DMC1: variants seen among roughly 807,000 people sequenced by gnomAD.
The protein encoded by DMC1 is meiotic recombination protein DMC1 homolog.
A neutral mutation model predicts 50.1 loss-of-function variants in DMC1; 27 were observed. The observed-to-expected ratio is 0.54, with a 90% confidence interval of 0.40 to 0.74. DMC1 has a LOEUF of 0.74. DMC1 is among the 30% of genes least tolerant of loss of function. The probability of loss-of-function intolerance (pLI) is 0.00; values close to 1 mark genes in which losing one functional copy is unlikely to be tolerated. For synonymous variants in DMC1, 148 were observed against 136.1 expected (o/e 1.09, Z -0.61); for missense variants, 295 against 420.2 (o/e 0.70, Z 2.60).
chr22:38,556,087 T>G, intron 5 of DMC1, among the ~76,000 whole-genome samples: 1 of 152,134 alleles, frequency 6.6e-6, no homozygotes, highest in East Asian at 1.9e-4. Flanking sequence ...CTGCCTTGGC[T>G]TCCCAAAGTG....
rs1337622850 is a variant in DMC1 at position 38,567,612 on chromosome 22, C to T, written c.67G>A (p.Asp23Asn). ...CCATGTTTCTGTAACAGGTCAATAT[C>T]TTGAAACAAAGATTCCTAAAGGAGA... ...FQDEEESLFQ[D>N]IDLLQKHGIN... The change falls in exon 3 of 14, where the codon GAT (aspartate) becomes AAT (asparagine). Residue 23 changes from aspartate to asparagine, a missense_variant. By Grantham distance (23) the Asp-to-Asn change is conservative (BLOSUM62 1). Coordinates refer to ENST00000216024, the MANE Select transcript of DMC1 (RefSeq NM_007068.4). The T allele has an allele frequency of 1.2e-6, 2 of 1,609,704 alleles. No individual in the cohort carries two copies. Among genetic ancestry groups the T allele is most frequent in the Non-Finnish European group, 1.7e-6 (2 of 1,175,984 alleles).
intron 1 of DMC1, among the ~76,000 whole-genome samples, chr22:38,569,692 A>T (rs1158442305): frequency 6.6e-6 from 1 of 152,248 alleles, no homozygotes; most frequent in Non-Finnish European, 1.5e-5. Context: ...CCCCCGGTTT[A>T]AGACGACCCA....
intron 12 of DMC1, among the ~76,000 whole-genome samples, chr22:38,524,151 C>T (rs1362293732): frequency 6.6e-6 from 1 of 152,220 alleles, no homozygotes; most frequent in Non-Finnish European, 1.5e-5. Context: ...CACAGTGGCT[C>T]ATGCCTGTAA....
chr22:38,549,530 A>G (rs2090380445), intron 8 of DMC1: 2 of 177,494 alleles, frequency 1.1e-5, no homozygotes, highest in Admixed American at 1.2e-4. Context: ...AGGCTGAGGC[A>G]GGAGAATTGA....
intron 4 of DMC1, among the ~76,000 whole-genome samples, chr22:38,563,479 C>T (rs1323684296): frequency 2.6e-5 from 4 of 152,134 alleles, no homozygotes; most frequent in Non-Finnish European, 5.9e-5. Context: ...GTGTTTAGAA[C>T]CACCGTATTA....
intron 4 of DMC1, among the ~76,000 whole-genome samples, chr22:38,564,370 C>T (rs1017431912): frequency 5.9e-5 from 9 of 151,980 alleles, no homozygotes; most frequent in Non-Finnish European, 1.0e-4. Flanking sequence ...AGCGTAGTGG[C>T]GTGATCTTGC....
At chr22:38,517,276 A>G (rs2089982395), downstream of DMC1, among the ~76,000 whole-genome samples, 1 of 152,174 alleles carries the variant, frequency 6.6e-6, no homozygotes, top group Non-Finnish European at 1.5e-5. Flanking sequence ...ATTTTTCAAG[A>G]TGTTAAAACA....
chr22:38,553,517 G>GAAAGTTT (rs2090436459), intron 6 of DMC1, among the ~76,000 whole-genome samples: 1 of 132,306 alleles, frequency 7.6e-6, no homozygotes, highest in African/African-American at 2.8e-5. Flanking sequence ...AAAAAAAAAA[G>GAAAGTTT]AAAGTTTAAG....
chr22:38,512,294 C>G, the DMC1 span, among the ~76,000 whole-genome samples: 2 of 152,064 alleles, frequency 1.3e-5, no homozygotes, highest in African/African-American at 2.4e-5. Context: ...TCTTTCTTCT[C>G]TCAACTTGGT....
intron 1 of DMC1, among the ~76,000 whole-genome samples, chr22:38,569,116 G>A (rs953077571): frequency 2.6e-5 from 4 of 151,302 alleles, no homozygotes; most frequent in East Asian, 1.9e-4. Flanking sequence ...CCTGGGAGGC[G>A]GAGGTTGCAC....
rs1456828752 is a variant in DMC1 at position 38,519,756 on chromosome 22, A to G, written c.*264T>C. 2 of 415,742 alleles carry G rather than the reference A, an allele frequency of 4.8e-6. No individual in the cohort carries two copies. The highest frequency in any genetic ancestry group is 2.1e-5 in the African/African-American group (1 of 48,702). The allele number at this position is 415,742 out of a possible 1,614,324, so 25.8% of individuals were successfully genotyped here. A position where few individuals can be genotyped will look rare whatever the true frequency, so the allele number is the denominator to read the frequency against. ...AGTGAGAGAATTTCAATAGGTATAT[A>G]TATCTACTATATATGTCAGGTATAC... On this transcript the variant is annotated 3_prime_UTR_variant, in exon 14 of 14. Transcript: ENST00000216024.
intron 4 of DMC1, among the ~76,000 whole-genome samples, chr22:38,565,366 C>T (rs1034806424): frequency 7.9e-5 from 12 of 150,962 alleles, no homozygotes; most frequent in African/African-American, 2.9e-4. Context: ...CATGGCCCAC[C>T]AATGTGCCAT....
intron 5 of DMC1, among the ~76,000 whole-genome samples, chr22:38,557,928 GTTAATAA>G (rs1320159244): frequency 7.5e-5 from 9 of 120,476 alleles, no homozygotes; most frequent in Non-Finnish European, 1.2e-4. Flanking sequence ...AGATTTTGCT[GTTAATAA>G]TTAGATAATT....
chr22:38,549,266 C>T (rs1216436913), intron 8 of DMC1: 2 of 152,162 alleles, frequency 1.3e-5, no homozygotes, highest in African/African-American at 4.8e-5. Flanking sequence ...GCCTGTTTTC[C>T]TTATTAACTT....
intron 8 of DMC1, among the ~76,000 whole-genome samples, chr22:38,548,994 T>G (rs903542635): frequency 1.3e-5 from 2 of 152,218 alleles, no homozygotes; most frequent in African/African-American, 4.8e-5. Context: ...AAACCTGTCT[T>G]TCCTTTGTCT....
chr22:38,540,014 A>T (rs2090262927), intron 8 of DMC1, among the ~76,000 whole-genome samples: 2 of 152,332 alleles, frequency 1.3e-5, no homozygotes, highest in Middle Eastern at 6.8e-3. Context: ...AGGTAACTTC[A>T]AGGGCCCAGA....
At chr22:38,539,553 C>G (rs140343153) in intron 8 of DMC1, 141 bp from the exon 9 acceptor site, 1 of 720,996 alleles carries the variant, frequency 1.4e-6, no homozygotes, top group African/African-American at 1.7e-5. Flanking sequence ...ATGCTAGCAA[C>G]CATTTAAAGT....
intron 12 of DMC1, among the ~76,000 whole-genome samples, chr22:38,526,839 A>G (rs2090097144): frequency 6.6e-6 from 1 of 152,182 alleles, no homozygotes; most frequent in South Asian, 2.1e-4. Context: ...TGCTGGTCAC[A>G]TGAATCTCAA....
intron 8 of DMC1, among the ~76,000 whole-genome samples, chr22:38,541,731 T>C (rs1309169203): frequency 6.6e-6 from 1 of 152,148 alleles, no homozygotes; most frequent in African/African-American, 2.4e-5. Flanking sequence ...TGCATCTCAT[T>C]ATTGGGCCAT....
Sources: gnomAD v4.1 joint callset for allele counts (sites outside exome capture counted in the v4.1 genomes callset) on GRCh38, gnomAD v4.1.1 for gene constraint, MANE v1.5 for transcripts, NCBI Gene and HGNC (gene_info 2026-07-23, HGNC 2026-07-21) for gene names.